The following ZBTB20 variants were observed in gnomAD, a reference collection of about 807,000 sequenced individuals.
ZBTB20 encodes the protein zinc finger and BTB domain containing 20.
A neutral mutation model predicts 56.9 loss-of-function variants in ZBTB20; 9 were observed. That is an observed-to-expected ratio of 0.16 (90% confidence interval 0.10 to 0.28). The LOEUF (loss-of-function observed/expected upper bound fraction) is 0.28. Ranked by LOEUF, ZBTB20 falls within the 10% of genes least tolerant of loss-of-function variation. The probability of loss-of-function intolerance (pLI) is 1.00; values close to 1 mark genes in which losing one functional copy is unlikely to be tolerated. For missense variants in ZBTB20, 655 were observed against 1,003.0 expected (o/e 0.65, Z 4.69); for synonymous variants, 417 against 420.7 (o/e 0.99, Z 0.11).
rs540478510 is a variant in ZBTB20 at position 115,005,311 on chromosome 3, T to G, written c.-506-30895A>C. 8.3e-4 allele frequency among the ~76,000 whole-genome samples: 126 copies of G among 151,988 alleles called. 1 individual carries two copies. The highest frequency in any genetic ancestry group is 3.0e-3 in the African/African-American group (123 of 41,524). ...TTTGTATTTATTGTATGTGTATTTG[T>G]ATTTATTTGTATAAATTTATCTGTA... On this transcript the variant is annotated intron_variant, in intron 2 of 11. Coordinates refer to ENST00000675478, the MANE Select transcript of ZBTB20 (RefSeq NM_001348800.3).
rs201885258 is a variant in ZBTB20 at position 114,753,413 on chromosome 3, G to A, written c.-343+47688C>T. 2.5e-4 allele frequency among the ~76,000 whole-genome samples: 12 copies of A among 47,576 alleles called. 1 individual carries two copies. The highest frequency in any genetic ancestry group is 5.2e-4 in the Non-Finnish European group (9 of 17,342). 31.2% of individuals were successfully genotyped at this position (47,576 alleles called of 152,430 possible). ...CATGTATGTATATATATACACACAC[G>A]TATATATATATATATATATACACAC... On this transcript the variant is annotated intron_variant, in intron 5 of 11. Transcript: ENST00000675478.
chr3:114,994,181 T>G (rs1191214033), intron 2 of ZBTB20, among the ~76,000 whole-genome samples: 1 of 151,744 alleles, frequency 6.6e-6, no homozygotes, highest in African/African-American at 2.4e-5. Flanking sequence ...AACAACTAAA[T>G]GGCAATCAAT....
chr3:114,339,067 C>G lies in ZBTB20; in HGVS notation c.2164G>C (p.Ala722Pro). 1 of 1,555,572 alleles carries G rather than the reference C, an allele frequency of 6.4e-7. No individual in the cohort carries two copies. The highest frequency in any genetic ancestry group is 1.7e-4 in the Middle Eastern group (1 of 5,774). Residue 722 changes from alanine to proline, a missense_variant, in exon 12 of 12, where the codon GCA becomes CCA. Around this residue, in one of 10 missense-constraint regions of ZBTB20, gnomAD observed 89 missense variants for 79.7 expected, o/e 1.12. Coordinates refer to ENST00000675478, the MANE Select transcript of ZBTB20 (RefSeq NM_001348800.3). This position sits in a 1 kb window ranked among gnomAD's most constrained non-coding sequence, Gnocchi z 4.2. ...GTTYVCSVCPAKFDQIEQFND... is the reference protein window; with the variant it reads ...GTTYVCSVCPPKFDQIEQFND... ...AACTGCTCGATTTGGTCAAACTTTG[C>G]TGGGCAGACGGAGCAGACGTAAGTG...
At chr3:114,345,256 A>C (rs1464588856) in intron 11 of ZBTB20, among the ~76,000 whole-genome samples, 2 of 152,214 alleles carry the variant, frequency 1.3e-5, no homozygotes, top group African/African-American at 4.8e-5. Flanking sequence ...ATACATGTAT[A>C]TATACGTGTG....
chr3:114,551,496 A>C (rs1313484210), intron 6 of ZBTB20, among the ~76,000 whole-genome samples: 1 of 152,216 alleles, frequency 6.6e-6, no homozygotes, highest in African/African-American at 2.4e-5. Context: ...GCTAAAGAGA[A>C]GTAAGCAATA....
intron 10 of ZBTB20, among the ~76,000 whole-genome samples, chr3:114,352,449 C>T (rs1486161847): frequency 1.3e-5 from 2 of 152,172 alleles, no homozygotes; most frequent in Non-Finnish European, 2.9e-5. Context: ...AAAACCCACA[C>T]CATGTATGCA....
chr3:114,626,584 A>G (rs1051158507), intron 6 of ZBTB20, among the ~76,000 whole-genome samples: 1 of 152,178 alleles, frequency 6.6e-6, no homozygotes, highest in Non-Finnish European at 1.5e-5. Context: ...CTGCTGCTTT[A>G]AAAAGATTAT....
chr3:114,774,554 A>C (rs1375856851), intron 5 of ZBTB20, among the ~76,000 whole-genome samples: 8 of 152,102 alleles, frequency 5.3e-5, no homozygotes, highest in Non-Finnish European at 1.0e-4. Flanking sequence ...GAGATACCAT[A>C]ATTTCAAGGG....
chr3:114,394,423 T>A (rs559617928), intron 7 of ZBTB20, among the ~76,000 whole-genome samples: 1 of 152,264 alleles, frequency 6.6e-6, no homozygotes, highest in Non-Finnish European at 1.5e-5. Context: ...ACAAGGAAGA[T>A]GCTTATTTCC....
rs1299184809 is a variant in ZBTB20, at chr3:114,727,926, A to C, written c.-342-34351T>G. Among the ~76,000 whole-genome samples, 3 of 152,308 alleles carry C rather than the reference A, an allele frequency of 2.0e-5. No individual in the cohort carries two copies. In the South Asian group the frequency reaches 6.2e-4, roughly 32 times the overall value. On this transcript the variant is annotated intron_variant, in intron 5 of 11. Coordinates refer to ENST00000675478, the MANE Select transcript of ZBTB20 (RefSeq NM_001348800.3). Reference sequence around the variant, plus strand: ...GCCCAGATCCCCATAGTTACAAAGGATAAGAATTTGTCTCAGTATATTTGA... The same window carrying C: ...GCCCAGATCCCCATAGTTACAAAGGCTAAGAATTTGTCTCAGTATATTTGA...
At chr3:114,380,174 TCC>T (rs758708129) in intron 10 of ZBTB20, 41 bp downstream of exon 10, 858 of 1,496,344 alleles carry the variant, frequency 5.7e-4, no homozygotes, top group Non-Finnish European at 6.6e-4. Flanking sequence ...GAAGCACTAC[TCC>T]AAGCACTGCA....
At chr3:115,089,431 A>G (rs78770724) in intron 1 of ZBTB20, among the ~76,000 whole-genome samples, 2,329 of 151,952 alleles carry the variant, frequency 0.015, 33 homozygotes, top group South Asian at 0.051. Context: ...CTGACCATTG[A>G]GAACCCATGA....
intron 7 of ZBTB20, among the ~76,000 whole-genome samples, chr3:114,451,602 G>A (rs774937813): frequency 7.9e-5 from 12 of 152,034 alleles, no homozygotes; most frequent in Admixed American, 3.3e-4. Flanking sequence ...GCGCACACAC[G>A]CTATGACACA....
chr3:114,571,299 T>G (rs1450924202), intron 6 of ZBTB20, among the ~76,000 whole-genome samples: 2 of 152,186 alleles, frequency 1.3e-5, no homozygotes, highest in Admixed American at 1.3e-4. Context: ...ATAGCAATTC[T>G]ATAAAAAACA....
intron 5 of ZBTB20, among the ~76,000 whole-genome samples, chr3:114,775,514 G>A (rs1456784251): frequency 6.8e-6 from 1 of 146,396 alleles, no homozygotes; most frequent in African/African-American, 2.5e-5. Context: ...TTTTCCTTGA[G>A]ATCTTGCAAT....
At position 114,945,292 on chromosome 3, in the gene ZBTB20, C is replaced by T. The variant is rs183652955; in HGVS notation, c.-456+29074G>A. On this transcript the variant is annotated intron_variant, in intron 3 of 11. Transcript: ENST00000675478. ...ATAAAGAATACTAATAGGTATCTTT[C>T]AAGTAAAAGGAAAAGCATCTCAGAC... Among the ~76,000 whole-genome samples the T allele has an allele frequency of 8.5e-4, 123 of 144,838 alleles. 7 individuals carry two copies. The highest frequency in any genetic ancestry group is 1.1e-3 in the South Asian group (5 of 4,648).
intron 2 of ZBTB20, among the ~76,000 whole-genome samples, chr3:115,059,158 C>G (rs13316546): frequency 6.6e-6 from 1 of 151,874 alleles, no homozygotes; most frequent in Admixed American, 6.6e-5. Context: ...CATTTCTGAA[C>G]GTTTTTTCAT....
At chr3:114,538,880 G>A (rs1577384605) in intron 6 of ZBTB20, among the ~76,000 whole-genome samples, 2 of 152,130 alleles carry the variant, frequency 1.3e-5, no homozygotes, top group Non-Finnish European at 2.9e-5. Context: ...GTCTGTGAAA[G>A]GAGTAGCTCC....
chr3:114,570,579 T>G lies in ZBTB20; in HGVS notation c.-294-70188A>C, dbSNP rs140252306. Among the ~76,000 whole-genome samples the G allele has an allele frequency of 1.8e-3, 273 of 152,252 alleles. 4 individuals carry two copies. The highest frequency in any genetic ancestry group is 6.2e-3 in the African/African-American group (256 of 41,558). On this transcript the variant is annotated intron_variant, in intron 6 of 11. Coordinates refer to ENST00000675478, the MANE Select transcript of ZBTB20 (RefSeq NM_001348800.3). ...CAGTGTGCAGAGTTAGAATTTAAAC[T>G]CAGGTCTGTATTTGTCTATGCAATA...
Sources: gnomAD v4.1 joint callset for allele counts (sites outside exome capture counted in the v4.1 genomes callset) on GRCh38, gnomAD v4.1.1 for gene constraint, gnomAD v4.1.1 regional missense constraint, Gnocchi (gnomAD v3.1) non-coding constraint, MANE v1.5 for transcripts, NCBI Gene and HGNC (gene_info 2026-07-23, HGNC 2026-07-21) for gene names.